The following CARMIL1 variants were observed in gnomAD, a reference collection of about 807,000 sequenced individuals.
CARMIL1 encodes the protein capping protein regulator and myosin 1 linker 1.
A neutral mutation model predicts 177.1 loss-of-function variants in CARMIL1; 90 were observed. The observed-to-expected ratio is 0.51, with a 90% confidence interval of 0.43 to 0.61. The LOEUF (loss-of-function observed/expected upper bound fraction) is 0.61. CARMIL1 is among the 20% of genes least tolerant of loss of function. The probability of loss-of-function intolerance (pLI) is 0.00; values close to 1 mark genes in which losing one functional copy is unlikely to be tolerated. For missense variants in CARMIL1, 1,380 were observed against 1,667.0 expected, an observed-to-expected ratio of 0.83 and a Z score of 3.00; for synonymous variants, 577 against 606.2, an observed-to-expected ratio of 0.95 and a Z score of 0.71.
chr6:25,362,796 A>G (rs1322148117), intron 2 of CARMIL1, among the ~76,000 whole-genome samples: 2 of 152,234 alleles, frequency 1.3e-5, no homozygotes, highest in Non-Finnish European at 2.9e-5. Context: ...ACACTTTGGG[A>G]GGCCAAGGCA....
intron 2 of CARMIL1, among the ~76,000 whole-genome samples, chr6:25,407,547 G>A (rs781758765): frequency 1.3e-5 from 2 of 152,136 alleles, no homozygotes; most frequent in African/African-American, 4.8e-5. Context: ...AGGAGGGAAA[G>A]TCATCTTCCC....
intron 29 of CARMIL1, 67 bp from the exon 30 acceptor site, chr6:25,580,857 A>G: frequency 8.3e-7 from 1 of 1,202,412 alleles, no homozygotes; most frequent in Admixed American, 2.0e-5. Flanking sequence ...AGAATGTTTC[A>G]GAAGTTTGAA....
chr6:25,505,676 C>T (rs1804838846), intron 17 of CARMIL1, among the ~76,000 whole-genome samples: 1 of 152,140 alleles, frequency 6.6e-6, no homozygotes, highest in African/African-American at 2.4e-5. Flanking sequence ...TGGTCTTGAA[C>T]TCCTGACCTC....
At chr6:25,537,460 C>T (rs1808415997) in intron 24 of CARMIL1, among the ~76,000 whole-genome samples, 1 of 152,098 alleles carries the variant, frequency 6.6e-6, no homozygotes, top group Admixed American at 6.6e-5. Flanking sequence ...TTCCTCAGTA[C>T]CTAACTCTAT....
intron 20 of CARMIL1, among the ~76,000 whole-genome samples, chr6:25,513,503 G>T (rs1805651550): frequency 6.6e-6 from 1 of 152,148 alleles, no homozygotes; most frequent in Non-Finnish European, 1.5e-5. Flanking sequence ...GAAAGCCATG[G>T]TATATTTGGA....
rs1213411207 is a variant in CARMIL1, at chr6:25,553,990, C to A, written c.2505-19C>A. On this transcript the variant is annotated intron_variant, in intron 27 of 36. Coordinates refer to ENST00000329474, the MANE Select transcript of CARMIL1 (RefSeq NM_017640.6). ...TGCACAAATTAAAATGGTACTCTGTCCTTTTGATTTTCACACAGTGAAGTA... is the reference window on the plus strand; with the variant it reads ...TGCACAAATTAAAATGGTACTCTGTACTTTTGATTTTCACACAGTGAAGTA... 10 of 1,530,022 alleles carry A rather than the reference C, an allele frequency of 6.5e-6. No homozygotes were observed. The highest frequency in any genetic ancestry group is 9.0e-6 in the Non-Finnish European group (10 of 1,116,596). 94.8% of individuals were successfully genotyped at this position (1,530,022 alleles called of 1,614,324 possible).
chr6:25,589,182 A>G (rs2151279401), intron 31 of CARMIL1, among the ~76,000 whole-genome samples: 1 of 152,234 alleles, frequency 6.6e-6, no homozygotes, highest in East Asian at 1.9e-4. Context: ...TGAAGCTGCC[A>G]TTTTCTTAAA....
intron 16 of CARMIL1, among the ~76,000 whole-genome samples, chr6:25,497,508 G>C (rs1803854820): frequency 1.3e-5 from 2 of 152,108 alleles, no homozygotes; most frequent in Admixed American, 1.3e-4. Context: ...GAGAAAGCAG[G>C]ATCAGACAAA....
intron 2 of CARMIL1, among the ~76,000 whole-genome samples, chr6:25,403,942 C>CT (rs1251897344): frequency 6.6e-6 from 1 of 152,172 alleles, no homozygotes; most frequent in African/African-American, 2.4e-5. Context: ...TCCTTGGTGC[C>CT]TACCACAAGG....
intron 1 of CARMIL1, among the ~76,000 whole-genome samples, chr6:25,280,611 G>T (rs1781012107): frequency 6.6e-6 from 1 of 151,750 alleles, no homozygotes; most frequent in Non-Finnish European, 1.5e-5. Context: ...GGTGGTGGTG[G>T]GGGCGGGGCT....
chr6:25,541,695 C>G (rs967547575), intron 26 of CARMIL1, among the ~76,000 whole-genome samples: 4 of 151,976 alleles, frequency 2.6e-5, no homozygotes. Flanking sequence ...GCTCTGTCAC[C>G]CAGGCTGGAG....
Position 25,554,162 on chromosome 6 carries a change from C to T in CARMIL1, c.2592+66C>T. 9.2e-7 allele frequency: 1 copy of T among 1,090,998 alleles called. No homozygotes were observed. Among genetic ancestry groups the T allele is most frequent in the Middle Eastern group, 2.0e-4 (1 of 5,074 alleles). The allele number at this position is 1,090,998 out of a possible 1,614,324, so 67.6% of individuals were successfully genotyped here. ...GCTCTGCTGTGATGCAGGATGACTT[C>T]CGGTGTGGGGATGTGATTTCTTTTC... On this transcript the variant is annotated intron_variant, in intron 28 of 36. Coordinates refer to ENST00000329474, the MANE Select transcript of CARMIL1 (RefSeq NM_017640.6). The surrounding 1 kb of genome is among the most constrained non-coding windows in gnomAD (Gnocchi z 4.6).
intron 2 of CARMIL1, among the ~76,000 whole-genome samples, chr6:25,406,506 G>A (rs12662334): frequency 0.43 from 65,316 of 151,970 alleles, 14,238 homozygotes; most frequent in Middle Eastern, 0.57. Flanking sequence ...TGAGGGGGCA[G>A]GAGTGGATCT....
At chr6:25,435,369 G>A in intron 4 of CARMIL1, 114 bp from the exon 5 acceptor site, 2 of 1,201,942 alleles carry the variant, frequency 1.7e-6, no homozygotes, top group Non-Finnish European at 2.2e-6. Context: ...GAAAAAAAAA[G>A]CTAATATTGT....
chr6:25,555,571 TG>T (rs1444992613), intron 28 of CARMIL1, among the ~76,000 whole-genome samples: 1 of 152,050 alleles, frequency 6.6e-6, no homozygotes, highest in Non-Finnish European at 1.5e-5. Flanking sequence ...GGCTAATTTT[TG>T]TATTTTAAGT....
At chr6:25,527,377 G>A (rs1807256111) in intron 23 of CARMIL1, among the ~76,000 whole-genome samples, 1 of 152,202 alleles carries the variant, frequency 6.6e-6, no homozygotes, top group Non-Finnish European at 1.5e-5. Flanking sequence ...GAAGGCATGA[G>A]CCAGCCTTGG....
intron 2 of CARMIL1, among the ~76,000 whole-genome samples, chr6:25,332,136 C>A (rs140674698): frequency 0.011 from 1,650 of 152,228 alleles, 19 homozygotes; most frequent in African/African-American, 0.036. Context: ...ATCACTAGGA[C>A]TATTGTGTAT....
At chr6:25,318,913 C>A (rs1394967621) in intron 2 of CARMIL1, among the ~76,000 whole-genome samples, 1 of 152,146 alleles carries the variant, frequency 6.6e-6, no homozygotes, top group Non-Finnish European at 1.5e-5. Flanking sequence ...TTTCTTTGGA[C>A]CTGAAATGGG....
At chr6:25,444,568 C>T (rs1040547570) in intron 5 of CARMIL1, among the ~76,000 whole-genome samples, 1 of 152,154 alleles carries the variant, frequency 6.6e-6, no homozygotes, top group Non-Finnish European at 1.5e-5. Flanking sequence ...GTTCCCTGCC[C>T]TGTGTCCAAG....
Sources: gnomAD v4.1 joint callset for allele counts (sites outside exome capture counted in the v4.1 genomes callset) on GRCh38, gnomAD v4.1.1 for gene constraint, Gnocchi (gnomAD v3.1) non-coding constraint, MANE v1.5 for transcripts, NCBI Gene and HGNC (gene_info 2026-07-23, HGNC 2026-07-21) for gene names.